The following ZDHHC5 variants were observed in gnomAD, a reference collection of about 807,000 sequenced individuals.
ZDHHC5 encodes the protein zDHHC palmitoyltransferase 5.
In ZDHHC5, 22 loss-of-function variants were observed where a neutral mutation model predicts 70.0. That is an observed-to-expected ratio of 0.31 (90% CI 0.22 to 0.45). The LOEUF is 0.45. Ranked by LOEUF, ZDHHC5 falls within the 20% of genes least tolerant of loss-of-function variation. The pLI is 1.00. For synonymous variants in ZDHHC5, 313 were observed against 347.8 expected, an observed-to-expected ratio of 0.90 and a Z score of 1.11; for missense variants, 746 against 926.9, an observed-to-expected ratio of 0.80 and a Z score of 2.53.
intron 1 of ZDHHC5, among the ~76,000 whole-genome samples, chr11:57,671,539 A>G (rs1946006302): frequency 6.6e-6 from 1 of 152,226 alleles, no homozygotes; most frequent in Admixed American, 6.5e-5. Flanking sequence ...CAGGATTGTA[A>G]CTAAAAAGCA....
chr11:57,683,044 C>T (rs923741478), intron 3 of ZDHHC5, among the ~76,000 whole-genome samples: 2 of 152,138 alleles, frequency 1.3e-5, no homozygotes, highest in Non-Finnish European at 2.9e-5. Context: ...GTGGGAAAGA[C>T]TTTACCAAGT....
chr11:57,670,463 G>A, intron 1 of ZDHHC5, among the ~76,000 whole-genome samples: 1 of 148,772 alleles, frequency 6.7e-6, no homozygotes. Context: ...GAGGGAAACT[G>A]TGTTTCAAAA....
At position 57,673,186 on chromosome 11, in the gene ZDHHC5, T is replaced by G. The variant is rs1946028685; in HGVS notation, c.96T>G (p.Phe32Leu). ...TAGTGGGAGCTACGACACTCTTCTT[T>G]GCCTTTACGTGAGTTTTCTCCCAGC... ...IFLVGATTLF[F>L]AFTCPGLSLY... Residue 32 changes from phenylalanine (F) to leucine (L), a missense_variant, in exon 2 of 12, where the codon TTT (phenylalanine) becomes TTG (leucine). Phe to Leu is a conservative substitution (Grantham distance 22). This residue lies in a region of ZDHHC5 where 89 missense variants were observed against 130.7 expected (regional missense o/e 0.68). Coordinates refer to ENST00000287169, the MANE Select transcript of ZDHHC5 (RefSeq NM_015457.3). The G allele has an allele frequency of 1.9e-6, 3 of 1,613,656 alleles. No homozygotes were observed. Among genetic ancestry groups the G allele is most frequent in the Non-Finnish European group, 2.5e-6 (3 of 1,179,736 alleles).
At position 57,699,187 on chromosome 11, in the gene ZDHHC5, G is replaced by T; in HGVS notation, c.1751G>T (p.Ser584Ile). ...TPGSGHAPRT[S>I]SSSDDSKRSP... ...GGCTCGGGCCATGCCCCTCGTACTA[G>T]TTCCTCCTCAGATGATTCAAAGAGA... is the stretch of plus-strand genomic sequence containing the variant. Residue 584 changes from serine to isoleucine, a missense_variant, in exon 11 of 12, where the codon AGT (serine) becomes ATT (isoleucine). Coordinates refer to ENST00000287169, the MANE Select transcript of ZDHHC5 (RefSeq NM_015457.3). The T allele has an allele frequency of 6.2e-7, 1 of 1,614,256 alleles. No homozygotes were observed. Among genetic ancestry groups the T allele is most frequent in the Non-Finnish European group, 8.5e-7 (1 of 1,180,052 alleles).
intron 2 of ZDHHC5, among the ~76,000 whole-genome samples, chr11:57,677,776 G>A (rs1378059479): frequency 6.6e-6 from 1 of 152,134 alleles, no homozygotes; most frequent in Non-Finnish European, 1.5e-5. Flanking sequence ...CCCCGTAACT[G>A]CAGAGGTATT....
chr11:57,681,406 G>A lies in ZDHHC5; in HGVS notation c.105-1016G>A, dbSNP rs541185871. On this transcript the variant is annotated intron_variant, in intron 2 of 11. Coordinates refer to ENST00000287169, the MANE Select transcript of ZDHHC5 (RefSeq NM_015457.3). Reference sequence around the variant, plus strand: ...ATGCTGTCCTCATTCTGGAGATTAAGTTCTCAGCCACAAAGTAGATTAGAG... The same window carrying A: ...ATGCTGTCCTCATTCTGGAGATTAAATTCTCAGCCACAAAGTAGATTAGAG... The A allele has an allele frequency of 3.9e-5, 6 of 152,314 alleles. No homozygotes were observed. The South Asian group carries it at 8.3e-4, about 21-fold the overall frequency. 9.4% of individuals were successfully genotyped at this position (152,314 alleles called of 1,614,324 possible).
chr11:57,671,540 C>A (rs1946006338), intron 1 of ZDHHC5, among the ~76,000 whole-genome samples: 1 of 152,142 alleles, frequency 6.6e-6, no homozygotes. Flanking sequence ...AGGATTGTAA[C>A]TAAAAAGCAT....
intron 2 of ZDHHC5, among the ~76,000 whole-genome samples, chr11:57,673,817 C>A (rs1946037084): frequency 1.3e-5 from 2 of 152,186 alleles, no homozygotes; most frequent in African/African-American, 4.8e-5. Flanking sequence ...AGTGATCCAT[C>A]CACCTTGGCC....
At chr11:57,677,026 A>T (rs978440199) in intron 2 of ZDHHC5, among the ~76,000 whole-genome samples, 1 of 138,972 alleles carries the variant, frequency 7.2e-6, no homozygotes, top group Admixed American at 8.2e-5. Flanking sequence ...GGTTCATGCC[A>T]TTCTCCTGCC....
chr11:57,673,209 A>T lies in ZDHHC5; in HGVS notation c.104+15A>T, dbSNP rs775309764. 1.2e-6 allele frequency: 2 copies of T among 1,613,044 alleles called. No individual in the cohort carries two copies. The highest frequency in any genetic ancestry group is 1.7e-6 in the Non-Finnish European group (2 of 1,179,172). ...TTTGCCTTTACGTGAGTTTTCTCCC[A>T]GCAGGGGTGTTTGGGTGGGTGGATA... On this transcript the variant is annotated intron_variant, in intron 2 of 11. Transcript: ENST00000287169.
intron 2 of ZDHHC5, among the ~76,000 whole-genome samples, chr11:57,680,640 C>T (rs772498475): frequency 2.6e-5 from 4 of 152,210 alleles, no homozygotes; most frequent in Non-Finnish European, 5.9e-5. Context: ...GTCACCCTTT[C>T]TCTTCTTCCC....
At chr11:57,692,287 C>G (rs1026178167) in intron 6 of ZDHHC5, among the ~76,000 whole-genome samples, 3 of 152,204 alleles carry the variant, frequency 2.0e-5, no homozygotes, top group African/African-American at 7.2e-5. Context: ...TCCCAAAGTG[C>G]TGGGATTACA....
intron 2 of ZDHHC5, among the ~76,000 whole-genome samples, chr11:57,676,204 C>G (rs557101133): frequency 6.6e-6 from 1 of 152,292 alleles, no homozygotes; most frequent in East Asian, 1.9e-4. Context: ...GAGTTTGCAT[C>G]AAAGAAATAG....
intron 3 of ZDHHC5, among the ~76,000 whole-genome samples, chr11:57,688,162 C>G (rs947448641): frequency 3.9e-5 from 6 of 152,174 alleles, no homozygotes; most frequent in Admixed American, 2.6e-4. Context: ...ATACTGAACT[C>G]TTATGCAAAC....
At chr11:57,680,091 A>C (rs1946129697) in intron 2 of ZDHHC5, among the ~76,000 whole-genome samples, 1 of 152,220 alleles carries the variant, frequency 6.6e-6, no homozygotes, top group Non-Finnish European at 1.5e-5. Context: ...TGCTTTGCCT[A>C]AAAATGAAAC....
At chr11:57,688,411 C>T (rs1946239617) in intron 3 of ZDHHC5, 97 bp from the exon 4 acceptor site, 10 of 1,341,010 alleles carry the variant, frequency 7.5e-6, no homozygotes, top group Non-Finnish European at 9.8e-6. Flanking sequence ...ACTGTGAATT[C>T]CTCAAAGGCA....
intron 2 of ZDHHC5, among the ~76,000 whole-genome samples, chr11:57,677,015 G>A (rs1183020009): frequency 6.9e-6 from 1 of 144,464 alleles, no homozygotes; most frequent in African/African-American, 2.6e-5. Context: ...TCTGCCTCCT[G>A]GGTTCATGCC....
Position 57,689,409 on chromosome 11 carries a change from G to A in ZDHHC5, c.385-622G>A, listed in dbSNP as rs190845619. The stretch of plus-strand genomic sequence containing the variant: ...TATTTATTTATCGAGACGGAGTCTC[G>A]CTCTGTTGCCCAGGCTGGAGTGCAA... On this transcript the variant is annotated intron_variant, in intron 4 of 11. Coordinates refer to ENST00000287169, the MANE Select transcript of ZDHHC5 (RefSeq NM_015457.3). Among the ~76,000 whole-genome samples the A allele has an allele frequency of 2.0e-5, 3 of 151,556 alleles. No individual in the cohort carries two copies. The East Asian group carries it at 5.8e-4, about 29-fold the overall frequency.
intron 10 of ZDHHC5, 49 bp from the exon 11 acceptor site, chr11:57,698,510 C>T: frequency 6.5e-7 from 1 of 1,537,452 alleles, no homozygotes; most frequent in South Asian, 1.3e-5. Flanking sequence ...TGGGGTCTAG[C>T]TTCTGTCACA....
Sources: allele counts gnomAD v4.1 joint callset (sites outside exome capture counted in the v4.1 genomes callset), GRCh38; gene constraint gnomAD v4.1.1; regional missense constraint gnomAD v4.1.1; transcripts MANE v1.5; gene names NCBI Gene and HGNC (gene_info 2026-07-23, HGNC 2026-07-21).